PKNOX2: variants seen among roughly 807,000 people sequenced by gnomAD.
PKNOX2 encodes PBX/knotted 1 homeobox 2.
In PKNOX2, 14 loss-of-function variants were observed where a neutral mutation model predicts 53.1. The observed-to-expected ratio is 0.26, with a 90% CI of 0.17 to 0.41. The LOEUF (loss-of-function observed/expected upper bound fraction) is 0.41. Ranked by LOEUF, PKNOX2 falls within the 10% of genes least tolerant of loss-of-function variation. PKNOX2 has a pLI of 1.00. For synonymous variants in PKNOX2, 257 were observed against 242.8 expected (o/e 1.06, Z -0.54); for missense variants, 496 against 602.8 (o/e 0.82, Z 1.85).
At chr11:125,275,673 T>C (rs1330566915) in intron 2 of PKNOX2, among the ~76,000 whole-genome samples, 1 of 152,192 alleles carries the variant, frequency 6.6e-6, no homozygotes, top group Non-Finnish European at 1.5e-5. Context: ...GACTGATTTC[T>C]AGATTTTTGG....
intron 2 of PKNOX2, among the ~76,000 whole-genome samples, chr11:125,322,651 G>C (rs1949591184): frequency 6.6e-6 from 1 of 152,160 alleles, no homozygotes; most frequent in African/African-American, 2.4e-5. Flanking sequence ...AATCACTGTG[G>C]CAGATACTTG....
intron 10 of PKNOX2, among the ~76,000 whole-genome samples, chr11:125,421,211 T>C (rs1956151808): frequency 6.6e-6 from 1 of 152,216 alleles, no homozygotes; most frequent in Non-Finnish European, 1.5e-5. Context: ...CAAGTGCTAT[T>C]ATACAAGCAC....
chr11:125,178,225 C>T (rs894787423), intron 1 of PKNOX2, among the ~76,000 whole-genome samples: 1 of 152,064 alleles, frequency 6.6e-6, no homozygotes, highest in Non-Finnish European at 1.5e-5. Context: ...GGGTTAGAAA[C>T]TGCCCAGGGC....
chr11:125,431,071 C>A (rs563477915), intron 12 of PKNOX2, 95 bp from the exon 13 acceptor site: 458 of 1,491,678 alleles, frequency 3.1e-4, no homozygotes, highest in Non-Finnish European at 4.0e-4. Flanking sequence ...GAGTTCACTG[C>A]TCTATGAGCC....
At chr11:125,368,595 G>T (rs986864707) in intron 5 of PKNOX2, among the ~76,000 whole-genome samples, 2 of 152,230 alleles carry the variant, frequency 1.3e-5, no homozygotes, top group Admixed American at 6.5e-5. Context: ...AATAGGTATT[G>T]TGTGTGACTG....
At chr11:125,246,785 C>T (rs75283124) in intron 2 of PKNOX2, among the ~76,000 whole-genome samples, 47 of 152,336 alleles carry the variant, frequency 3.1e-4, no homozygotes, top group African/African-American at 1.1e-3. Context: ...CAGCTCCTGT[C>T]TACTTTTCCC....
chr11:125,167,851 G>A (rs4387361), intron 1 of PKNOX2, among the ~76,000 whole-genome samples: 31,773 of 152,166 alleles, frequency 0.21, 4,028 homozygotes, highest in Non-Finnish European at 0.29. Flanking sequence ...GCAGAGCTTG[G>A]GGGAGGGTGC....
At chr11:125,265,060 G>A (rs1303982133) in intron 2 of PKNOX2, among the ~76,000 whole-genome samples, 8 of 152,128 alleles carry the variant, frequency 5.3e-5, no homozygotes, top group Non-Finnish European at 1.0e-4. Flanking sequence ...AGGCGAAGGC[G>A]GGCAGATCAC....
intron 2 of PKNOX2, among the ~76,000 whole-genome samples, chr11:125,293,026 C>T (rs975597690): frequency 9.9e-5 from 15 of 152,118 alleles, no homozygotes; most frequent in Non-Finnish European, 4.4e-5. Flanking sequence ...AGCAAGATGC[C>T]GGACAGCGTG....
chr11:125,366,106 G>T (rs1487584052), intron 4 of PKNOX2, among the ~76,000 whole-genome samples: 1 of 152,134 alleles, frequency 6.6e-6, no homozygotes, highest in African/African-American at 2.4e-5. Flanking sequence ...CTTTCTTACA[G>T]CACCTCCTTA....
chr11:125,306,889 A>G (rs114506504), intron 2 of PKNOX2, among the ~76,000 whole-genome samples: 2,614 of 152,210 alleles, frequency 0.017, 67 homozygotes, highest in African/African-American at 0.059. Context: ...TTGCATTTGG[A>G]GAATTTGCTG....
rs140469123 is a variant in PKNOX2, at chr11:125,274,947, T to A, written c.-130+39832T>A. Among the ~76,000 whole-genome samples the A allele has an allele frequency of 4.3e-3, 654 of 152,320 alleles. 4 individuals are homozygous for A. The highest frequency in any genetic ancestry group is 5.0e-3 in the Non-Finnish European group (339 of 68,030). On this transcript the variant is annotated intron_variant, in intron 2 of 12. Coordinates refer to ENST00000298282, the MANE Select transcript of PKNOX2 (RefSeq NM_001382323.2). The stretch of plus-strand genomic sequence containing the variant: ...GCAGAGATAAGTAAGACAGCACATC[T>A]AGCCATAAATCGCTTCCTTCAGGAA...
At chr11:125,308,402 G>C (rs1308277352) in intron 2 of PKNOX2, among the ~76,000 whole-genome samples, 2 of 152,178 alleles carry the variant, frequency 1.3e-5, no homozygotes, top group Non-Finnish European at 2.9e-5. Context: ...ATGCTCTGGG[G>C]AAGACTCAGC....
chr11:125,190,809 C>A (rs61911031), intron 1 of PKNOX2, among the ~76,000 whole-genome samples: 49 of 152,222 alleles, frequency 3.2e-4, no homozygotes, highest in Non-Finnish European at 5.1e-4. Context: ...ACCAGCCCAC[C>A]CCTCAGCACT....
intron 3 of PKNOX2, among the ~76,000 whole-genome samples, chr11:125,347,597 C>T (rs1951048096): frequency 6.6e-6 from 1 of 152,106 alleles, no homozygotes; most frequent in Admixed American, 6.5e-5. Context: ...CCAGGACTGC[C>T]CATCCCATTT....
At chr11:125,379,033 C>T (rs1352214520) in intron 5 of PKNOX2, among the ~76,000 whole-genome samples, 3 of 149,776 alleles carry the variant, frequency 2.0e-5, no homozygotes, top group South Asian at 4.3e-4. Flanking sequence ...AAAAAGGATC[C>T]AACTACCTTT....
At chr11:125,282,184 A>G (rs1946603056) in intron 2 of PKNOX2, among the ~76,000 whole-genome samples, 2 of 152,182 alleles carry the variant, frequency 1.3e-5, no homozygotes, top group Non-Finnish European at 2.9e-5. Flanking sequence ...AAGCCAGGGA[A>G]TGTTAGTGCA....
chr11:125,396,718 A>G (rs1220925752), intron 6 of PKNOX2, among the ~76,000 whole-genome samples: 1 of 152,228 alleles, frequency 6.6e-6, no homozygotes, highest in Non-Finnish European at 1.5e-5. Flanking sequence ...ATAATATGCA[A>G]CATTTAAAAA....
intron 6 of PKNOX2, among the ~76,000 whole-genome samples, chr11:125,391,805 G>A (rs1195993250): frequency 2.6e-5 from 4 of 152,196 alleles, no homozygotes; most frequent in Non-Finnish European, 5.9e-5. Flanking sequence ...AGGGAAAGAA[G>A]CTGAAAGATG....
Sources: gnomAD v4.1 joint callset for allele counts (sites outside exome capture counted in the v4.1 genomes callset) on GRCh38, gnomAD v4.1.1 for gene constraint, MANE v1.5 for transcripts, NCBI Gene and HGNC (gene_info 2026-07-23, HGNC 2026-07-21) for gene names.